Variants in GABARAPL2 observed in about 807,000 individuals in gnomAD.
The protein encoded by GABARAPL2 is GABA type A receptor associated protein like 2, also known as gamma-aminobutyric acid receptor-associated protein-like 2.
A neutral mutation model predicts 16.9 loss-of-function variants in GABARAPL2; 11 were observed. That is an observed-to-expected ratio of 0.65 (90% CI 0.41 to 1.08). The LOEUF (loss-of-function observed/expected upper bound fraction) is 1.08. Ranked by LOEUF, GABARAPL2 falls within the 50% of genes least tolerant of loss-of-function variation. The probability of loss-of-function intolerance (pLI) is 0.00; values close to 1 mark genes in which losing one functional copy is unlikely to be tolerated. For synonymous variants in GABARAPL2, 57 were observed against 50.7 expected, an observed-to-expected ratio of 1.12 and a Z score of -0.53; for missense variants, 134 against 142.5, an observed-to-expected ratio of 0.94 and a Z score of 0.30.
At chr16:75,570,999 A>C (rs2080911003) in intron 3 of GABARAPL2, among the ~76,000 whole-genome samples, 2 of 152,254 alleles carry the variant, frequency 1.3e-5, no homozygotes, top group Admixed American at 6.5e-5. Context: ...TTGTTTGTTT[A>C]GAACATAGAT....
In GABARAPL2 at chr16:75,566,454, G is replaced by C; in HGVS notation, c.-33G>C. The stretch of plus-strand genomic sequence containing the variant: ...TCGGTGCGCTGAGCTCCGCGGCTCC[G>C]CGAGCCGGTTCCGTCCCCTTCCCGC... On this transcript the variant is annotated 5_prime_UTR_variant, in exon 1 of 4. Coordinates refer to ENST00000037243, the MANE Select transcript of GABARAPL2 (RefSeq NM_007285.7). 1 of 1,559,268 alleles carries C rather than the reference G, an allele frequency of 6.4e-7. No homozygotes were observed.
At chr16:75,566,935 C>T (rs1370269920) in intron 2 of GABARAPL2, 28 bp downstream of exon 2, 2 of 1,585,552 alleles carry the variant, frequency 1.3e-6, no homozygotes, top group East Asian at 2.2e-5. Context: ...CCCCTCACCT[C>T]GCTGTCACCT....
At chr16:75,570,418 A>G (rs1050328686) in intron 3 of GABARAPL2, among the ~76,000 whole-genome samples, 1 of 152,186 alleles carries the variant, frequency 6.6e-6, no homozygotes, top group Non-Finnish European at 1.5e-5. Flanking sequence ...AAGACAATTT[A>G]GCAGCCTCTT....
At chr16:75,576,991 T>G in intron 3 of GABARAPL2, 1 of 297,828 alleles carries the variant, frequency 3.4e-6, no homozygotes, top group East Asian at 7.2e-5. Flanking sequence ...TTTCTTCCCT[T>G]GTCCTTGGCA....
intron 2 of GABARAPL2, among the ~76,000 whole-genome samples, 172 bp downstream of exon 2, chr16:75,567,079 T>C (rs2080888639): frequency 6.6e-6 from 1 of 152,216 alleles, no homozygotes; most frequent in Non-Finnish European, 1.5e-5. Context: ...GGGCTCGGGC[T>C]GGTGCTGTTC....
intron 3 of GABARAPL2, chr16:75,576,728 A>G (rs2080951998): frequency 6.5e-6 from 1 of 153,488 alleles, no homozygotes; most frequent in South Asian, 2.0e-4. Flanking sequence ...GTTTAGTTTG[A>G]AGAGTATCTA....
chr16:75,567,996 G>A (rs748306555), intron 2 of GABARAPL2, 41 bp from the exon 3 acceptor site: 10 of 1,525,188 alleles, frequency 6.6e-6, no homozygotes, highest in East Asian at 4.6e-5. Flanking sequence ...CCAGAGCCTC[G>A]CTTTAGGAAA....
intron 3 of GABARAPL2, chr16:75,568,480 C>G: frequency 3.6e-6 from 1 of 275,568 alleles, no homozygotes; most frequent in Non-Finnish European, 6.9e-6. Context: ...CGGTTGAGAA[C>G]TTATTTAGTC....
intron 3 of GABARAPL2, among the ~76,000 whole-genome samples, chr16:75,571,920 C>T (rs1002609261): frequency 1.2e-4 from 18 of 152,126 alleles, no homozygotes; most frequent in African/African-American, 4.1e-4. Flanking sequence ...TCAGGTGATT[C>T]GCCGACCTTG....
intron 3 of GABARAPL2, among the ~76,000 whole-genome samples, chr16:75,571,709 C>T (rs568563888): frequency 1.3e-4 from 19 of 149,214 alleles, no homozygotes; most frequent in South Asian, 6.4e-4. Flanking sequence ...TCACTCATGT[C>T]GCCCAGGCTA....
At chr16:75,566,643 C>A in intron 1 of GABARAPL2, 123 bp downstream of exon 1, 2 of 1,175,540 alleles carry the variant, frequency 1.7e-6, no homozygotes, top group Non-Finnish European at 2.4e-6. Flanking sequence ...CTGGAGTCGC[C>A]CATGCCCTGG....
At chr16:75,566,802 AC>A (rs1567444377) in intron 1 of GABARAPL2, 49 bp from the exon 2 acceptor site, 3 of 1,549,928 alleles carry the variant, frequency 1.9e-6, no homozygotes, top group Non-Finnish European at 2.7e-6. Context: ...GGGGCCGGGA[AC>A]CGACCGGTGG....
chr16:75,568,207 C>T lies in GABARAPL2; in HGVS notation c.261C>T (p.Ser87=). ...TTGTGGATAAGACAGTCCCACAGTCCAGGTGAGAGGTGTTTACTAGATGGG... is the reference window on the plus strand; with the variant it reads ...TTGTGGATAAGACAGTCCCACAGTCTAGGTGAGAGGTGTTTACTAGATGGG... ...FLFVDKTVPQ[S]SLTMGQLYEK... Residue 87 remains serine (S), a splice_region_variant and synonymous_variant, in exon 3 of 4, where the codon TCC becomes TCT. Transcript: ENST00000037243. 4 of 1,597,896 alleles carry T rather than the reference C, an allele frequency of 2.5e-6. No homozygotes were observed. The highest frequency in any genetic ancestry group is 1.3e-5 in the African/African-American group (1 of 74,762).
intron 3 of GABARAPL2, among the ~76,000 whole-genome samples, chr16:75,574,032 A>G (rs1466080016): frequency 6.6e-6 from 1 of 152,266 alleles, no homozygotes; most frequent in East Asian, 1.9e-4. Flanking sequence ...TGCTTAAACA[A>G]ATTAATGAAC....
At chr16:75,576,752 C>T (rs1259167269) in intron 3 of GABARAPL2, 1 of 153,720 alleles carries the variant, frequency 6.5e-6, no homozygotes, top group East Asian at 1.9e-4. Flanking sequence ...TTGGAGGGTT[C>T]TTTGGGAGGT....
chr16:75,574,359 C>T (rs538723736), intron 3 of GABARAPL2, among the ~76,000 whole-genome samples: 4 of 152,294 alleles, frequency 2.6e-5, no homozygotes, highest in African/African-American at 4.8e-5. Flanking sequence ...CACTATGGGG[C>T]GACTCTGAAT....
At chr16:75,573,146 A>C (rs2080926468) in intron 3 of GABARAPL2, among the ~76,000 whole-genome samples, 1 of 152,252 alleles carries the variant, frequency 6.6e-6, no homozygotes, top group Non-Finnish European at 1.5e-5. Flanking sequence ...TCAGAGGTTT[A>C]TGGAATGTGT....
intron 3 of GABARAPL2, 175 bp from the exon 4 acceptor site, chr16:75,577,104 A>T (rs1403461495): frequency 1.8e-6 from 1 of 544,094 alleles, no homozygotes; most frequent in Non-Finnish European, 3.3e-6. Context: ...CCTTCTGCAG[A>T]CTTCATTTAT....
rs1458860609 is a variant in GABARAPL2, at chr16:75,566,676, A to G, written c.34+156A>G. 3 of 948,018 alleles carry G rather than the reference A, an allele frequency of 3.2e-6. No homozygotes were observed. The African/African-American group carries it at 4.9e-5, about 15-fold the overall frequency. 58.7% of individuals were successfully genotyped at this position (948,018 alleles called of 1,614,324 possible). The stretch of plus-strand genomic sequence containing the variant: ...TGGTGCCTCGGGCAGCGGCCCCCTG[A>G]CCCCATGTCACCCTCCGCGGGCCTT... On this transcript the variant is annotated intron_variant, in intron 1 of 3. Coordinates refer to ENST00000037243, the MANE Select transcript of GABARAPL2 (RefSeq NM_007285.7).
Sources: allele counts gnomAD v4.1 joint callset (sites outside exome capture counted in the v4.1 genomes callset), GRCh38; gene constraint gnomAD v4.1.1; transcripts MANE v1.5; gene names NCBI Gene and HGNC (gene_info 2026-07-23, HGNC 2026-07-21).